Variants in TMEM182 observed in about 807,000 individuals in gnomAD.
The protein encoded by TMEM182 is transmembrane protein 182.
In TMEM182, 20 loss-of-function variants were observed where a neutral mutation model predicts 26.8. That is an observed-to-expected ratio of 0.75 (90% CI 0.53 to 1.09). The LOEUF (loss-of-function observed/expected upper bound fraction) is 1.09, where lower values mean the gene tolerates loss of function less well. Among genes scored for constraint, TMEM182 ranks in the 50% least tolerant of loss-of-function variants. The pLI is 0.00. For missense variants in TMEM182, 277 were observed against 275.5 expected (o/e 1.01, Z -0.04); for synonymous variants, 109 against 102.2 (o/e 1.07, Z -0.40).
chr2:102,812,123 A>T (rs1237754799), intron 4 of TMEM182, among the ~76,000 whole-genome samples: 1 of 152,166 alleles, frequency 6.6e-6, no homozygotes, highest in Admixed American at 6.6e-5. Context: ...TCAAATTCTA[A>T]TCACTGTAGG....
chr2:102,841,234 G>A (rs1440319454), intron 3 of TMEM182, among the ~76,000 whole-genome samples: 1 of 152,168 alleles, frequency 6.6e-6, no homozygotes, highest in African/African-American at 2.4e-5. Context: ...TGGGACTCCG[G>A]CCCAACTCCG....
At chr2:102,778,084 A>G (rs1167118501) in intron 3 of TMEM182, among the ~76,000 whole-genome samples, 2 of 151,982 alleles carry the variant, frequency 1.3e-5, no homozygotes, top group African/African-American at 2.4e-5. Flanking sequence ...TAGTTGTTCC[A>G]TCAACTAGTA....
At chr2:102,809,810 G>A (rs1682484979) in intron 4 of TMEM182, among the ~76,000 whole-genome samples, 2 of 152,184 alleles carry the variant, frequency 1.3e-5, no homozygotes, top group South Asian at 4.1e-4. Context: ...AGTGTGTGCA[G>A]CCTTTACGTA....
At chr2:102,814,203 A>G (rs1410673722) in intron 4 of TMEM182, among the ~76,000 whole-genome samples, 1 of 152,126 alleles carries the variant, frequency 6.6e-6, no homozygotes, top group Non-Finnish European at 1.5e-5. Context: ...TTGTATAACC[A>G]TATTTAATTG....
intron 3 of TMEM182, among the ~76,000 whole-genome samples, chr2:102,784,447 C>T (rs1681303394): frequency 6.6e-6 from 1 of 151,934 alleles, no homozygotes; most frequent in South Asian, 2.1e-4. Context: ...TATTGATGGA[C>T]TGAAGCTCCA....
intron 3 of TMEM182, among the ~76,000 whole-genome samples, chr2:102,776,576 G>T (rs987414409): frequency 3.9e-5 from 6 of 152,118 alleles, no homozygotes; most frequent in African/African-American, 1.4e-4. Context: ...AGCACATCTT[G>T]GTTGCCTGTA....
At chr2:102,754,981 G>A (rs1209650810) in intron 1 of TMEM182, among the ~76,000 whole-genome samples, 4 of 152,196 alleles carry the variant, frequency 2.6e-5, no homozygotes, top group South Asian at 2.1e-4. Flanking sequence ...AGAATTTACC[G>A]TAATGGAATG....
At chr2:102,795,510 A>C (rs1423254334) in intron 3 of TMEM182, among the ~76,000 whole-genome samples, 1 of 152,178 alleles carries the variant, frequency 6.6e-6, no homozygotes, top group Non-Finnish European at 1.5e-5. Flanking sequence ...TGGCAGTTTC[A>C]ATTTTAATTC....
upstream of TMEM182, among the ~76,000 whole-genome samples, chr2:102,761,670 C>T (rs1045763492): frequency 5.9e-5 from 9 of 152,172 alleles, no homozygotes; most frequent in Non-Finnish European, 1.3e-4. Context: ...CAATTGTGTT[C>T]AAGATCGGTC....
intron 1 of TMEM182, among the ~76,000 whole-genome samples, chr2:102,753,437 C>A (rs1679936909): frequency 6.6e-6 from 1 of 152,164 alleles, no homozygotes; most frequent in African/African-American, 2.4e-5. Flanking sequence ...GTAAACTATT[C>A]ATTGGGGTCT....
chr2:102,794,225 T>A (rs760917309), intron 3 of TMEM182, among the ~76,000 whole-genome samples: 2 of 152,238 alleles, frequency 1.3e-5, no homozygotes, highest in Non-Finnish European at 2.9e-5. Flanking sequence ...TTTCAGTAAC[T>A]GGTCCAAAGT....
intron 1 of TMEM182, among the ~76,000 whole-genome samples, chr2:102,749,313 C>T (rs1679808546): frequency 6.6e-6 from 1 of 152,054 alleles, no homozygotes; most frequent in African/African-American, 2.4e-5. Flanking sequence ...CTGAAAGAAG[C>T]TCATCATAAA....
intron 4 of TMEM182, among the ~76,000 whole-genome samples, chr2:102,798,383 G>T (rs900902650): frequency 6.6e-6 from 1 of 152,152 alleles, no homozygotes; most frequent in Admixed American, 6.5e-5. Flanking sequence ...TGTAAATGGG[G>T]ATCGTAACAT....
intron 3 of TMEM182, among the ~76,000 whole-genome samples, chr2:102,794,172 G>T (rs919681193): frequency 6.6e-6 from 1 of 152,176 alleles, no homozygotes; most frequent in Non-Finnish European, 1.5e-5. Context: ...CTAAAGGATG[G>T]ACACAAACAT....
rs145579224 is a variant in TMEM182 at position 102,809,425 on chromosome 2, G to A, written c.470-5323G>A. Among the ~76,000 whole-genome samples, 122 of 152,182 alleles carry A rather than the reference G, an allele frequency of 8.0e-4. 1 individual carries two copies. The East Asian group carries it at 0.017, about 21-fold the overall frequency. On this transcript the variant is annotated intron_variant, in intron 4 of 4. Transcript: ENST00000412401. ...CGTTTCATGAATGCTGCTATCCTTA[G>A]CACACTTACCCAGGCCCCAGATTTT...
chr2:102,792,668 T>C (rs535105795), intron 3 of TMEM182, among the ~76,000 whole-genome samples: 71 of 152,334 alleles, frequency 4.7e-4, no homozygotes, highest in African/African-American at 1.7e-3. Context: ...CTTGATGTTA[T>C]GCACTTTTGA....
At chr2:102,769,781 C>T (rs1325756263) in intron 3 of TMEM182, among the ~76,000 whole-genome samples, 1 of 152,162 alleles carries the variant, frequency 6.6e-6, no homozygotes, top group Non-Finnish European at 1.5e-5. Flanking sequence ...TATAAAATTG[C>T]TTGCCAACTG....
intron 3 of TMEM182, among the ~76,000 whole-genome samples, chr2:102,796,249 A>G (rs1681863655): frequency 6.6e-6 from 1 of 152,238 alleles, no homozygotes; most frequent in East Asian, 1.9e-4. Flanking sequence ...TTGCAACTTG[A>G]TCTCTGTTAA....
Position 102,797,892 on chromosome 2 carries a change from C to A in TMEM182, c.361C>A (p.Leu121Ile), listed in dbSNP as rs1467075617. The A allele has an allele frequency of 3.7e-6, 6 of 1,613,872 alleles. No individual in the cohort carries two copies. The highest frequency in any genetic ancestry group is 1.3e-5 in the African/African-American group (1 of 74,874). Residue 121 changes from leucine to isoleucine, a missense_variant, in exon 4 of 5, where the codon CTC becomes ATC. Transcript: ENST00000412401. ...IYRGFWAVLMLLGVVAVVIAS... is the reference protein window; with the variant it reads ...IYRGFWAVLMILGVVAVVIAS... ...CCGTGGTTTCTGGGCAGTCCTGATGCTCCTGGGGGTAGTTGCTGTAGTCAT... is the reference window on the plus strand; with the variant it reads ...CCGTGGTTTCTGGGCAGTCCTGATGATCCTGGGGGTAGTTGCTGTAGTCAT...
Sources: allele counts gnomAD v4.1 joint callset (sites outside exome capture counted in the v4.1 genomes callset), GRCh38; gene constraint gnomAD v4.1.1; transcripts MANE v1.5; gene names NCBI Gene and HGNC (gene_info 2026-07-23, HGNC 2026-07-21).